The following EDA variants were observed in gnomAD, a reference collection of about 807,000 sequenced individuals.
The protein encoded by EDA is ectodysplasin-A.
A neutral mutation model predicts 23.6 loss-of-function variants in EDA; 2 were observed. The ratio of observed to expected loss-of-function variants is 0.08; its 90% CI spans 0.03 to 0.27. The LOEUF (loss-of-function observed/expected upper bound fraction) is 0.27. Among genes scored for constraint, EDA ranks in the 10% least tolerant of loss-of-function variants. The probability of loss-of-function intolerance (pLI) is 1.00; values close to 1 mark genes in which losing one functional copy is unlikely to be tolerated. For missense variants in EDA, 229 were observed against 324.2 expected, an observed-to-expected ratio of 0.71 and a Z score of 2.26; for synonymous variants, 131 against 132.0, an observed-to-expected ratio of 0.99 and a Z score of 0.05.
At chrX:69,814,533 G>A (rs2891622) in intron 1 of EDA, among the ~76,000 whole-genome samples, 9,227 of 112,354 alleles carry the variant, frequency 0.082, 975 homozygotes, top group East Asian at 0.7. Flanking sequence ...CTTTAATAAA[G>A]CTGTGAGTAG....
At chrX:69,786,888 G>C (rs967069200) in intron 1 of EDA, among the ~76,000 whole-genome samples, 3 of 107,781 alleles carry the variant, frequency 2.8e-5, no homozygotes, top group African/African-American at 1.0e-4. Flanking sequence ...GTTGACAGTG[G>C]GGTGTTAAAG....
At chrX:69,683,168 G>A (rs374274113) in intron 1 of EDA, among the ~76,000 whole-genome samples, 2 of 111,137 alleles carry the variant, frequency 1.8e-5, no homozygotes, top group South Asian at 3.8e-4. Flanking sequence ...AACATGTTAA[G>A]TACTCTAATG....
intron 1 of EDA, among the ~76,000 whole-genome samples, chrX:69,687,230 A>G (rs1215111687): frequency 9.2e-6 from 1 of 108,497 alleles, no homozygotes; most frequent in Non-Finnish European, 1.9e-5. Context: ...AGAAATGTAT[A>G]TTCAGATCCT....
intron 1 of EDA, among the ~76,000 whole-genome samples, chrX:69,821,299 C>G (rs1165617740): frequency 9.2e-6 from 1 of 109,197 alleles, no homozygotes; most frequent in African/African-American, 3.3e-5. Flanking sequence ...ATTCTGGACT[C>G]AATACCTGGG....
At chrX:69,991,997 G>A (rs1321692052) in intron 2 of EDA, among the ~76,000 whole-genome samples, 2 of 112,376 alleles carry the variant, frequency 1.8e-5, no homozygotes, top group East Asian at 5.6e-4. Context: ...TGTATTAATA[G>A]TTACTTTAAG....
At chrX:69,841,604 A>AC (rs746162790) in intron 1 of EDA, among the ~76,000 whole-genome samples, 3 of 110,593 alleles carry the variant, frequency 2.7e-5, no homozygotes, top group Non-Finnish European at 3.8e-5. Flanking sequence ...TCTCACCTCA[A>AC]CCTCCCAAAG....
At chrX:69,935,698 A>G (rs1279846358) in intron 1 of EDA, among the ~76,000 whole-genome samples, 5 of 110,788 alleles carry the variant, frequency 4.5e-5, no homozygotes, top group Admixed American at 9.7e-5. Flanking sequence ...CTTGTAGTCA[A>G]TCATTTCAGG....
At chrX:70,026,068 C>A (rs2020103029) in intron 3 of EDA, among the ~76,000 whole-genome samples, 1 of 112,018 alleles carries the variant, frequency 8.9e-6, no homozygotes, top group Non-Finnish European at 1.9e-5. Flanking sequence ...GTCTGGGGAG[C>A]AAGAAGTCAG....
At chrX:69,650,950 AAG>A (rs1444016919) in intron 1 of EDA, among the ~76,000 whole-genome samples, 1 of 110,892 alleles carries the variant, frequency 9.0e-6, no homozygotes, top group African/African-American at 3.3e-5. Flanking sequence ...GAACTAGAAA[AAG>A]AGCACTGTGA....
At chrX:69,823,004 A>T (rs1419964918) in intron 1 of EDA, among the ~76,000 whole-genome samples, 2 of 100,020 alleles carry the variant, frequency 2.0e-5, no homozygotes, top group Non-Finnish European at 4.0e-5. Context: ...ATTTCATCCA[A>T]GTCCCTACAA....
chrX:69,888,716 A>T (rs1326389756), intron 1 of EDA, among the ~76,000 whole-genome samples: 1 of 107,095 alleles, frequency 9.3e-6, no homozygotes, highest in Non-Finnish European at 1.9e-5. Flanking sequence ...GTAATTATAT[A>T]ATGAAAAAAG....
intron 1 of EDA, among the ~76,000 whole-genome samples, chrX:69,794,966 A>G (rs145717647): frequency 9.8e-5 from 11 of 112,068 alleles, no homozygotes; most frequent in African/African-American, 3.6e-4. Flanking sequence ...GGAGCTCAAA[A>G]GAGGGGCTAC....
intron 1 of EDA, among the ~76,000 whole-genome samples, chrX:69,739,640 A>G (rs1261304024): frequency 1.8e-5 from 2 of 110,762 alleles, no homozygotes; most frequent in Non-Finnish European, 3.8e-5. Flanking sequence ...TTTTTTCACT[A>G]TATATTTTTA....
At chrX:69,822,414 AC>A (rs1243363760) in intron 1 of EDA, among the ~76,000 whole-genome samples, 2 of 111,645 alleles carry the variant, frequency 1.8e-5, no homozygotes, top group Non-Finnish European at 3.8e-5. Flanking sequence ...AGGAAGCATA[AC>A]TTATAGATGA....
intron 1 of EDA, among the ~76,000 whole-genome samples, chrX:69,832,193 C>T (rs1304498500): frequency 8.9e-6 from 1 of 111,839 alleles, no homozygotes; most frequent in African/African-American, 3.3e-5. Flanking sequence ...AGTCTTTAAT[C>T]AATCTCGAGT....
At chrX:69,699,353 GAGA>G (rs1430277053) in intron 1 of EDA, among the ~76,000 whole-genome samples, 1 of 111,292 alleles carries the variant, frequency 9.0e-6, no homozygotes, top group Admixed American at 9.5e-5. Flanking sequence ...GTAAAGAGGA[GAGA>G]AGAAGGACAG....
At chrX:69,916,371 A>G (rs192716630) in intron 1 of EDA, among the ~76,000 whole-genome samples, 1,110 of 103,541 alleles carry the variant, frequency 0.011, 8 homozygotes, top group Non-Finnish European at 0.018. Context: ...GCCACCAGAC[A>G]TTAGTAACAT....
intron 1 of EDA, among the ~76,000 whole-genome samples, chrX:69,763,439 A>G (rs183158691): frequency 1.8e-5 from 2 of 112,210 alleles, no homozygotes; most frequent in Admixed American, 9.5e-5. Flanking sequence ...AGCAAATGGT[A>G]TGCTCTCTAA....
intron 1 of EDA, among the ~76,000 whole-genome samples, chrX:69,833,180 C>T (rs1175122537): frequency 2.7e-5 from 3 of 111,890 alleles, no homozygotes; most frequent in Non-Finnish European, 5.6e-5. Context: ...GTGGGTTTGT[C>T]ATAAATAGCT....
Sources: gnomAD v4.1 joint callset for allele counts (sites outside exome capture counted in the v4.1 genomes callset) on GRCh38, gnomAD v4.1.1 for gene constraint, MANE v1.5 for transcripts, NCBI Gene and HGNC (gene_info 2026-07-23, HGNC 2026-07-21) for gene names.